KSR2: variants seen among roughly 807,000 people sequenced by gnomAD.
KSR2 encodes kinase suppressor of ras 2.
Under a neutral mutation model 107.8 loss-of-function variants are expected in KSR2, and 25 were observed. The observed-to-expected ratio is 0.23, with a 90% CI of 0.17 to 0.32. The LOEUF (loss-of-function observed/expected upper bound fraction) is 0.32. Ranked by LOEUF, KSR2 falls within the 10% of genes least tolerant of loss-of-function variation. The pLI is 1.00. For synonymous variants in KSR2, 480 were observed against 507.0 expected (o/e 0.95, Z 0.71); for missense variants, 887 against 1,268.9 (o/e 0.70, Z 4.57).
In KSR2 at chr12:117,555,170, T is replaced by C; in HGVS notation, c.1517A>G (p.Lys506Arg). The C allele has an allele frequency of 6.2e-7, 1 of 1,613,812 alleles. No individual in the cohort carries two copies. Among genetic ancestry groups the C allele is most frequent in the Non-Finnish European group, 8.5e-7 (1 of 1,179,826 alleles). The change falls in exon 9 of 20, where the codon AAG becomes AGG. Residue 506 changes from lysine to arginine, a missense_variant and splice_region_variant. Lys to Arg is a conservative substitution (Grantham distance 26). Around this residue, in one of 8 missense-constraint regions of KSR2, gnomAD observed 60 missense variants for 77.5 expected, o/e 0.77. Transcript: ENST00000339824. ...QTLPKTNKIN[K>R]DHIPVPYQPD... ...GACCCAGGGGAAGCCCAGCCTTACC[T>C]TGTTGATTTTGTTGGTTTTGGGGAG...
chr12:117,674,958 T>C (rs1885060176), intron 4 of KSR2, among the ~76,000 whole-genome samples: 1 of 152,156 alleles, frequency 6.6e-6, no homozygotes, highest in African/African-American at 2.4e-5. Context: ...ATTCTCTACC[T>C]CAGGGCCTTT....
chr12:117,492,450 C>A (rs1463701677), intron 14 of KSR2, among the ~76,000 whole-genome samples: 1 of 152,158 alleles, frequency 6.6e-6, no homozygotes, highest in African/African-American at 2.4e-5. Flanking sequence ...CTGGGAGCAG[C>A]CACCTCTGAG....
Position 117,659,606 on chromosome 12 carries a change from T to C in KSR2, c.1171+7868A>G, listed in dbSNP as rs561917866. Among the ~76,000 whole-genome samples, 3 of 152,184 alleles carry C rather than the reference T, an allele frequency of 2.0e-5. No homozygotes were observed. In the South Asian group the frequency reaches 6.2e-4, roughly 32 times the overall value. On this transcript the variant is annotated intron_variant, in intron 5 of 19. Transcript: ENST00000339824. ...TTGATATAATGGAGAGAGCCATTGG[T>C]TGGCATCAGGAGACTCAGGTTCAAG...
chr12:117,811,010 A>T (rs1891171208), intron 3 of KSR2, among the ~76,000 whole-genome samples: 1 of 152,242 alleles, frequency 6.6e-6, no homozygotes, highest in African/African-American at 2.4e-5. Context: ...ATGAGTCTTT[A>T]TCAATTGCAT....
intron 9 of KSR2, among the ~76,000 whole-genome samples, chr12:117,545,927 A>T (rs998942224): frequency 1.3e-5 from 2 of 152,084 alleles, no homozygotes; most frequent in African/African-American, 4.8e-5. Context: ...CTCCTTTAAT[A>T]ATTGTCTTAA....
chr12:117,737,446 G>A (rs1887988306), intron 4 of KSR2, among the ~76,000 whole-genome samples: 1 of 152,106 alleles, frequency 6.6e-6, no homozygotes, highest in Admixed American at 6.5e-5. Flanking sequence ...CTCATGCTCT[G>A]TCATATCTAA....
intron 3 of KSR2, among the ~76,000 whole-genome samples, chr12:117,825,777 TCAGTG>T (rs1891720916): frequency 6.6e-6 from 1 of 152,098 alleles, no homozygotes; most frequent in Non-Finnish European, 1.5e-5. Flanking sequence ...TAGAAGGGGC[TCAGTG>T]TCTATATATT....
chr12:117,543,457 G>C (rs1055216500), intron 9 of KSR2, among the ~76,000 whole-genome samples: 2 of 152,160 alleles, frequency 1.3e-5, no homozygotes, highest in East Asian at 3.8e-4. Context: ...GAAGTCTTGA[G>C]ATCAGGTAGA....
chr12:117,872,551 C>CAAGA (rs1429231682), intron 1 of KSR2, among the ~76,000 whole-genome samples: 1 of 149,790 alleles, frequency 6.7e-6, no homozygotes, highest in African/African-American at 2.5e-5. Context: ...GACAGCAGAG[C>CAAGA]AAGACGCTGT....
intron 4 of KSR2, among the ~76,000 whole-genome samples, chr12:117,711,080 T>C (rs1886754162): frequency 6.6e-6 from 1 of 152,224 alleles, no homozygotes. Context: ...CTACATTTTC[T>C]TTCCTATCCC....
chr12:117,780,905 AG>A (rs1316743527), intron 3 of KSR2, among the ~76,000 whole-genome samples: 1 of 152,182 alleles, frequency 6.6e-6, no homozygotes, highest in Non-Finnish European at 1.5e-5. Flanking sequence ...TGTAACCCAG[AG>A]CTGAGGGTTA....
chr12:117,697,269 CA>C (rs945708109), intron 4 of KSR2, among the ~76,000 whole-genome samples: 8 of 152,104 alleles, frequency 5.3e-5, no homozygotes, highest in African/African-American at 1.9e-4. Context: ...AATGTTAAAA[CA>C]GTATAGGAAG....
intron 1 of KSR2, among the ~76,000 whole-genome samples, chr12:117,912,865 C>T (rs1461530998): frequency 6.6e-6 from 1 of 152,112 alleles, no homozygotes; most frequent in African/African-American, 2.4e-5. Context: ...AAGTAGGGAC[C>T]CGTAAAGATA....
At chr12:117,831,094 G>A (rs893511640) in intron 3 of KSR2, among the ~76,000 whole-genome samples, 12 of 152,150 alleles carry the variant, frequency 7.9e-5, no homozygotes, top group African/African-American at 2.2e-4. Context: ...AGCAAGAAAC[G>A]CTGATATTAT....
At chr12:117,945,122 G>A (rs1261117723) in intron 1 of KSR2, among the ~76,000 whole-genome samples, 1 of 152,066 alleles carries the variant, frequency 6.6e-6, no homozygotes, top group Non-Finnish European at 1.5e-5. Context: ...ATTACAGTAG[G>A]AGACATCAAC....
At chr12:117,855,031 G>A (rs1292237470) in intron 3 of KSR2, among the ~76,000 whole-genome samples, 1 of 150,158 alleles carries the variant, frequency 6.7e-6, no homozygotes, top group Non-Finnish European at 1.5e-5. Context: ...TCTGGTTTAT[G>A]TTACAATTAA....
intron 5 of KSR2, among the ~76,000 whole-genome samples, chr12:117,622,508 G>A (rs2136343835): frequency 6.6e-6 from 1 of 152,138 alleles, no homozygotes; most frequent in Middle Eastern, 3.4e-3. Flanking sequence ...TAGTTATCAA[G>A]GTTTTTTTTT....
At chr12:117,900,944 G>A (rs1433017458) in intron 1 of KSR2, among the ~76,000 whole-genome samples, 1 of 152,146 alleles carries the variant, frequency 6.6e-6, no homozygotes, top group African/African-American at 2.4e-5. Flanking sequence ...AGCATGGCAC[G>A]CCATCAAACC....
chr12:117,630,394 C>T lies in KSR2; in HGVS notation c.1171+37080G>A, dbSNP rs188392135. On this transcript the variant is annotated intron_variant, in intron 5 of 19. Transcript: ENST00000339824. The stretch of plus-strand genomic sequence containing the variant: ...GTGTGTGCATGTGTATGTGTGTGTG[C>T]ACATGTGTGTGCATGTGTAAAGGAA... Among the ~76,000 whole-genome samples, 24 of 151,818 alleles carry T rather than the reference C, an allele frequency of 1.6e-4. No individual in the cohort carries two copies. The East Asian group carries it at 4.5e-3, about 28-fold the overall frequency.
Sources: allele counts gnomAD v4.1 joint callset (sites outside exome capture counted in the v4.1 genomes callset), GRCh38; gene constraint gnomAD v4.1.1; regional missense constraint gnomAD v4.1.1; transcripts MANE v1.5; gene names NCBI Gene and HGNC (gene_info 2026-07-23, HGNC 2026-07-21).